LEKR1: variants seen among roughly 807,000 people sequenced by gnomAD.
LEKR1 encodes leucine, glutamate and lysine rich 1, also known as protein LEKR1.
LEKR1 carries 59 observed loss-of-function variants against 72.4 expected under a neutral mutation model. The observed-to-expected ratio is 0.82, with a 90% confidence interval of 0.66 to 1.01. LEKR1 has a LOEUF of 1.01. Ranked by LOEUF, LEKR1 falls within the 50% of genes least tolerant of loss-of-function variation. The pLI is 0.00. For missense variants in LEKR1, 728 were observed against 759.2 expected, an observed-to-expected ratio of 0.96 and a Z score of 0.48; for synonymous variants, 257 against 263.2, an observed-to-expected ratio of 0.98 and a Z score of 0.23.
intron 9 of LEKR1, 152 bp downstream of exon 9, chr3:156,993,429 C>G: frequency 2.1e-6 from 1 of 484,306 alleles, no homozygotes; most frequent in Non-Finnish European, 3.7e-6. Flanking sequence ...CATCCCACCA[C>G]CTCATTTTAC....
intron 3 of LEKR1, among the ~76,000 whole-genome samples, chr3:156,898,265 T>G (rs888691950): frequency 6.6e-6 from 1 of 151,956 alleles, no homozygotes; most frequent in Non-Finnish European, 1.5e-5. Context: ...TATGCCAGAG[T>G]CAGGTTGGAA....
chr3:156,985,887 T>C (rs1185118565), intron 7 of LEKR1, among the ~76,000 whole-genome samples: 2 of 150,970 alleles, frequency 1.3e-5, no homozygotes, highest in Non-Finnish European at 2.9e-5. Flanking sequence ...GAAATTATCC[T>C]GGATTATGTG....
At chr3:156,847,127 T>C (rs1714714645) in intron 2 of LEKR1, among the ~76,000 whole-genome samples, 1 of 152,132 alleles carries the variant, frequency 6.6e-6, no homozygotes, top group African/African-American at 2.4e-5. Flanking sequence ...AATTTTGAAA[T>C]AGAGAATGCC....
rs577160697 is a variant in LEKR1 at position 156,899,271 on chromosome 3, CAT to C, written c.264-21303_264-21302del. On this transcript the variant is annotated intron_variant, in intron 3 of 12. Coordinates refer to ENST00000356539, the MANE Select transcript of LEKR1 (RefSeq NM_001004316.3). Reference sequence around the variant, plus strand: ...ATATATACATATATATATATACACACATGTATATATATACATGTATATATACA... The same window carrying C: ...ATATATACATATATATATATACACACGTATATATATACATGTATATATACA... Among the ~76,000 whole-genome samples, 131 of 144,008 alleles carry C rather than the reference CAT, an allele frequency of 9.1e-4. 3 individuals are homozygous for C. In the East Asian group the frequency reaches 0.025, roughly 27 times the overall value. 94.5% of individuals were successfully genotyped at this position (144,008 alleles called of 152,430 possible). A position where few individuals can be genotyped will look rare whatever the true frequency, so the allele number is the denominator to read the frequency against.
chr3:157,038,559 CTT>C (rs553833844), intron 12 of LEKR1, among the ~76,000 whole-genome samples: 6 of 152,102 alleles, frequency 3.9e-5, no homozygotes, highest in African/African-American at 7.2e-5. Context: ...AACAGGCACT[CTT>C]AACTTTTAGA....
Position 156,885,740 on chromosome 3 carries a change from G to T in LEKR1, c.263+32758G>T, listed in dbSNP as rs1371192136. On this transcript the variant is annotated intron_variant, in intron 3 of 12. Transcript: ENST00000356539. ...GTTTAGTGTGCTGGCTTTCTTAAAT[G>T]CTGGTTATGCTAGCAGTGAAGCTGT... Among the ~76,000 whole-genome samples the T allele has an allele frequency of 2.0e-5, 3 of 152,356 alleles. No individual in the cohort carries two copies. In the East Asian group the frequency reaches 5.8e-4, roughly 29 times the overall value.
At chr3:156,865,720 C>T (rs1240532370) in intron 3 of LEKR1, among the ~76,000 whole-genome samples, 1 of 151,960 alleles carries the variant, frequency 6.6e-6, no homozygotes, top group Non-Finnish European at 1.5e-5. Context: ...GAATAAGGCT[C>T]AAAATCTTCT....
chr3:156,942,428 C>T, intron 5 of LEKR1, 101 bp from the exon 6 acceptor site: 2 of 347,396 alleles, frequency 5.8e-6, no homozygotes, highest in Non-Finnish European at 1.0e-5. Context: ...TGTCATCTTG[C>T]CTTTCAACTA....
chr3:156,923,138 T>C (rs1724369532), intron 4 of LEKR1, among the ~76,000 whole-genome samples: 1 of 152,232 alleles, frequency 6.6e-6, no homozygotes, highest in Non-Finnish European at 1.5e-5. Context: ...CGTATCTTTT[T>C]AAAAACATCC....
At chr3:157,035,831 G>A (rs555938640) in intron 12 of LEKR1, among the ~76,000 whole-genome samples, 9 of 152,288 alleles carry the variant, frequency 5.9e-5, no homozygotes, top group Admixed American at 2.0e-4. Context: ...CCCAGAAGGT[G>A]GAGGTTGCAG....
At chr3:156,955,542 G>A (rs376624287) in intron 6 of LEKR1, among the ~76,000 whole-genome samples, 1 of 151,814 alleles carries the variant, frequency 6.6e-6, no homozygotes, top group Non-Finnish European at 1.5e-5. Flanking sequence ...TTATTGAGAG[G>A]TTTTAACATA....
In LEKR1 at chr3:156,903,513, T is replaced by C. The variant is rs567906663; in HGVS notation, c.264-17062T>C. 4.6e-5 allele frequency among the ~76,000 whole-genome samples: 7 copies of C among 152,260 alleles called. No individual in the cohort carries two copies. In the South Asian group the frequency reaches 1.2e-3, roughly 27 times the overall value. On this transcript the variant is annotated intron_variant, in intron 3 of 12. Transcript: ENST00000356539. Reference sequence around the variant, plus strand: ...ATACACTATTAGTTACGACTCTTGGTTGTGACTAAAATTTAGCTTGAACTA... The same window carrying C: ...ATACACTATTAGTTACGACTCTTGGCTGTGACTAAAATTTAGCTTGAACTA...
At chr3:156,866,546 C>T (rs1000163083) in intron 3 of LEKR1, among the ~76,000 whole-genome samples, 3 of 152,034 alleles carry the variant, frequency 2.0e-5, no homozygotes, top group Non-Finnish European at 2.9e-5. Flanking sequence ...AGACCTCTTA[C>T]TATGTGAAAA....
intron 3 of LEKR1, among the ~76,000 whole-genome samples, chr3:156,901,961 C>T (rs9866373): frequency 0.51 from 77,293 of 152,088 alleles, 21,311 homozygotes; most frequent in East Asian, 0.73. Context: ...TAGGATTACA[C>T]GTGTGAGTCA....
At chr3:156,961,125 A>C (rs1728093077) in intron 6 of LEKR1, among the ~76,000 whole-genome samples, 1 of 152,206 alleles carries the variant, frequency 6.6e-6, no homozygotes, top group Non-Finnish European at 1.5e-5. Context: ...TATTTTACCA[A>C]CTTTCAAATT....
At chr3:156,930,102 A>T (rs1380219834) in intron 5 of LEKR1, among the ~76,000 whole-genome samples, 1 of 152,228 alleles carries the variant, frequency 6.6e-6, no homozygotes, top group African/African-American at 2.4e-5. Context: ...GTTCAGATGC[A>T]TACCAAATTA....
At chr3:156,906,386 G>A (rs1030836919) in intron 3 of LEKR1, among the ~76,000 whole-genome samples, 3 of 152,166 alleles carry the variant, frequency 2.0e-5, no homozygotes, top group Non-Finnish European at 4.4e-5. Context: ...TCTCATGGTT[G>A]CATTGGCAAG....
chr3:156,984,470 A>G (rs540847784), intron 7 of LEKR1, among the ~76,000 whole-genome samples: 1 of 152,258 alleles, frequency 6.6e-6, no homozygotes, highest in African/African-American at 2.4e-5. Context: ...TGAGGTCAGG[A>G]GTTCGAGACC....
chr3:156,972,062 T>A (rs1357340559), intron 6 of LEKR1, among the ~76,000 whole-genome samples: 2 of 152,206 alleles, frequency 1.3e-5, no homozygotes, highest in Admixed American at 6.5e-5. Flanking sequence ...TGCGGCACTA[T>A]TCACAATAGC....
Sources: gnomAD v4.1 joint callset for allele counts (sites outside exome capture counted in the v4.1 genomes callset) on GRCh38, gnomAD v4.1.1 for gene constraint, MANE v1.5 for transcripts, NCBI Gene and HGNC (gene_info 2026-07-23, HGNC 2026-07-21) for gene names.